The following DMD variants were observed in gnomAD, a reference collection of about 807,000 sequenced individuals.
DMD encodes dystrophin.
DMD carries 63 observed loss-of-function variants against 330.1 expected under a neutral mutation model. The ratio of observed to expected loss-of-function variants is 0.19; its 90% CI spans 0.16 to 0.24. The LOEUF (loss-of-function observed/expected upper bound fraction) is 0.24, where lower values mean the gene tolerates loss of function less well. Among genes scored for constraint, DMD ranks in the 10% least tolerant of loss-of-function variants. The pLI, the probability that DMD is intolerant of heterozygous loss-of-function variation, is 1.00. For synonymous variants in DMD, 1,223 were observed against 959.8 expected, an observed-to-expected ratio of 1.27 and a Z score of -5.07; for missense variants, 3,344 against 2,684.1, an observed-to-expected ratio of 1.25 and a Z score of -5.43.
rs144173679 is a variant in DMD at position 32,796,616 on chromosome X, A to G, written c.649+12877T>C. Among the ~76,000 whole-genome samples the G allele has an allele frequency of 6.0e-4, 67 of 112,146 alleles. 1 individual carries two copies. In the East Asian group the frequency reaches 0.014, roughly 24 times the overall value. ...ATGAGAGAACTCAAAATGTTCACAG[A>G]ACATAAAAATGATAAATACTCAAAG... is the stretch of plus-strand genomic sequence containing the variant. On this transcript the variant is annotated intron_variant, in intron 7 of 78. Transcript: ENST00000357033.
At chrX:31,388,930 A>G (rs903105287) in intron 60 of DMD, among the ~76,000 whole-genome samples, 1 of 112,094 alleles carries the variant, frequency 8.9e-6, no homozygotes, top group African/African-American at 3.2e-5. Context: ...AAACCAAAAA[A>G]CATTTGAGAC....
rs1433451065 is a variant in DMD at position 32,719,071 on chromosome X, G to T, written c.650-19778C>A. Among the ~76,000 whole-genome samples, 3 of 111,624 alleles carry T rather than the reference G, an allele frequency of 2.7e-5. No individual in the cohort carries two copies. In the Admixed American group the frequency reaches 2.9e-4, roughly 11 times the overall value. On this transcript the variant is annotated intron_variant, in intron 7 of 78. Transcript: ENST00000357033. ...CTCAACTAGAGAAGGTAGGCAAATA[G>T]GTGATTCACAAACACTAAACATAAC... is the stretch of plus-strand genomic sequence containing the variant.
intron 52 of DMD, among the ~76,000 whole-genome samples, chrX:31,705,547 C>A (rs764009593): frequency 8.8e-6 from 1 of 113,017 alleles, no homozygotes; most frequent in African/African-American, 3.2e-5. Flanking sequence ...ACAATACAGG[C>A]TGCATGTCGT....
chrX:32,684,404 T>G (rs2062694914), intron 9 of DMD, among the ~76,000 whole-genome samples: 1 of 111,670 alleles, frequency 9.0e-6, no homozygotes, highest in African/African-American at 3.2e-5. Context: ...TACCCTAAGT[T>G]TTATTAATCC....
chrX:33,140,134 T>C (rs114511525), intron 1 of DMD, among the ~76,000 whole-genome samples: 2,027 of 112,021 alleles, frequency 0.018, 58 homozygotes, highest in African/African-American at 0.062. Flanking sequence ...TCACTCCCTG[T>C]CATTAATTAG....
At chrX:32,034,468 G>T (rs1384366362) in intron 44 of DMD, among the ~76,000 whole-genome samples, 1 of 111,305 alleles carries the variant, frequency 9.0e-6, no homozygotes, top group Non-Finnish European at 1.9e-5. Context: ...TTTTCACTGA[G>T]AAATTAAAAC....
intron 1 of DMD, among the ~76,000 whole-genome samples, chrX:33,323,734 A>C: frequency 9.0e-6 from 1 of 111,720 alleles, no homozygotes; most frequent in Non-Finnish European, 1.9e-5. Flanking sequence ...GCATCAAATA[A>C]TGGTATTTTA....
intron 55 of DMD, among the ~76,000 whole-genome samples, chrX:31,537,021 T>C (rs1454869552): frequency 9.0e-6 from 1 of 111,583 alleles, no homozygotes; most frequent in Non-Finnish European, 1.9e-5. Flanking sequence ...GCTCCCCCAC[T>C]TTCTCAATTC....
chrX:33,079,445 A>T (rs2094893643), intron 1 of DMD, among the ~76,000 whole-genome samples: 1 of 111,979 alleles, frequency 8.9e-6, no homozygotes, highest in Non-Finnish European at 1.9e-5. Context: ...TAGCCATTTA[A>T]CATAATTACA....
chrX:33,020,285 G>T (rs1027393984), intron 1 of DMD, 85 bp from the exon 2 acceptor site: 11 of 647,415 alleles, frequency 1.7e-5, no homozygotes, highest in African/African-American at 1.6e-4. Context: ...TTTCCATTAT[G>T]ATGTGTTAGT....
chrX:31,213,054 T>C (rs5926995), intron 64 of DMD, among the ~76,000 whole-genome samples: 11,027 of 112,265 alleles, frequency 0.098, 483 homozygotes, highest in Admixed American at 0.16. Flanking sequence ...AACTGCTGTA[T>C]GTTTGCTGAT....
intron 41 of DMD, among the ~76,000 whole-genome samples, chrX:32,320,006 C>CTTAATT (rs1389600841): frequency 9.0e-6 from 1 of 110,514 alleles, no homozygotes; most frequent in Non-Finnish European, 1.9e-5. Flanking sequence ...AACCCTCCCT[C>CTTAATT]CACCTCACAC....
intron 1 of DMD, among the ~76,000 whole-genome samples, chrX:33,311,335 A>G: frequency 9.1e-6 from 1 of 110,161 alleles, no homozygotes. Context: ...ACACAGACAG[A>G]CACTTATCTA....
intron 56 of DMD, among the ~76,000 whole-genome samples, chrX:31,504,063 T>C (rs1004443711): frequency 1.8e-5 from 2 of 111,456 alleles, no homozygotes; most frequent in Non-Finnish European, 3.8e-5. Flanking sequence ...ATTAAATATT[T>C]GTTGAATGAA....
intron 44 of DMD, among the ~76,000 whole-genome samples, chrX:32,153,105 T>C (rs1405648724): frequency 8.9e-6 from 1 of 112,235 alleles, no homozygotes; most frequent in Non-Finnish European, 1.9e-5. Context: ...CTTACTGACG[T>C]CTCTATTAGC....
At chrX:33,142,049 G>A (rs975696480) in intron 1 of DMD, among the ~76,000 whole-genome samples, 23 of 112,457 alleles carry the variant, frequency 2.0e-4, no homozygotes, top group Non-Finnish European at 3.4e-4. Context: ...CTTTTGTCAA[G>A]CTAAAATCTG....
chrX:31,301,152 C>T (rs750989168), intron 62 of DMD, among the ~76,000 whole-genome samples: 16 of 111,529 alleles, frequency 1.4e-4, no homozygotes, highest in Non-Finnish European at 3.0e-4. Flanking sequence ...AAGCTTCTTC[C>T]TTCAGGAACT....
chrX:33,054,298 T>C (rs2094493458), intron 1 of DMD, among the ~76,000 whole-genome samples: 1 of 112,156 alleles, frequency 8.9e-6, no homozygotes, highest in Admixed American at 9.5e-5. Context: ...TATCTATACA[T>C]ATATATACAT....
intron 61 of DMD, among the ~76,000 whole-genome samples, chrX:31,330,087 T>A (rs1250332803): frequency 9.2e-6 from 1 of 109,216 alleles, no homozygotes; most frequent in African/African-American, 3.3e-5. Context: ...ATGAATATGT[T>A]CGTTATCTTT....
Sources: gnomAD v4.1 joint callset for allele counts (sites outside exome capture counted in the v4.1 genomes callset) on GRCh38, gnomAD v4.1.1 for gene constraint, MANE v1.5 for transcripts, NCBI Gene and HGNC (gene_info 2026-07-23, HGNC 2026-07-21) for gene names.